The following SEMA6D variants were observed in gnomAD, a reference collection of about 807,000 sequenced individuals.
The protein encoded by SEMA6D is semaphorin-6D.
Under a neutral mutation model 106.6 loss-of-function variants are expected in SEMA6D, and 35 were observed. The ratio of observed to expected loss-of-function variants is 0.33; its 90% CI spans 0.25 to 0.44. The LOEUF is 0.44. Ranked by LOEUF, SEMA6D falls within the 20% of genes least tolerant of loss-of-function variation. The pLI, the probability that SEMA6D is intolerant of heterozygous loss-of-function variation, is 1.00. For missense variants in SEMA6D, 1,185 were observed against 1,345.9 expected (o/e 0.88, Z 1.87); for synonymous variants, 499 against 487.7 (o/e 1.02, Z -0.31).
At chr15:47,635,961 A>AG (rs957800608) in intron 4 of SEMA6D, among the ~76,000 whole-genome samples, 2 of 151,368 alleles carry the variant, frequency 1.3e-5, no homozygotes, top group African/African-American at 4.8e-5. Flanking sequence ...AAATGCTAAA[A>AG]AAAAAAAAAA....
intron 2 of SEMA6D, among the ~76,000 whole-genome samples, chr15:47,424,524 A>G (rs1237443312): frequency 6.6e-6 from 1 of 152,160 alleles, no homozygotes; most frequent in Admixed American, 6.6e-5. Flanking sequence ...TAAGTTCAGA[A>G]TAAATATCTG....
chr15:47,643,263 C>T (rs892134329), intron 4 of SEMA6D, among the ~76,000 whole-genome samples: 1 of 152,186 alleles, frequency 6.6e-6, no homozygotes, highest in African/African-American at 2.4e-5. Context: ...TTGCCTTTCC[C>T]CACTACGTAA....
chr15:47,588,480 G>A (rs2076381702), intron 3 of SEMA6D, among the ~76,000 whole-genome samples: 1 of 152,110 alleles, frequency 6.6e-6, no homozygotes, highest in Non-Finnish European at 1.5e-5. Context: ...TGTAAGCCAT[G>A]CTCCTCAGAC....
rs1020441526 is a variant in SEMA6D, at chr15:47,589,430, G to A, written c.-86-11435G>A. On this transcript the variant is annotated intron_variant, in intron 3 of 19. Transcript: ENST00000558014. ...GCTCCAGCCCCTGCTGACTCTGAGT[G>A]TGAGTTCTCCCCTGGATCCTGCTGA... 2.0e-5 allele frequency among the ~76,000 whole-genome samples: 3 copies of A among 152,194 alleles called. No individual in the cohort carries two copies. The East Asian group carries it at 5.8e-4, about 29-fold the overall frequency.
chr15:47,493,628 GT>G (rs1417431558), intron 3 of SEMA6D, among the ~76,000 whole-genome samples: 1 of 152,058 alleles, frequency 6.6e-6, no homozygotes, highest in Admixed American at 6.6e-5. Context: ...ACAGTTTTGA[GT>G]GTTTTCTATT....
chr15:47,761,490 G>T, intron 6 of SEMA6D, 59 bp downstream of exon 6: 1 of 1,401,472 alleles, frequency 7.1e-7, no homozygotes, highest in Non-Finnish European at 9.9e-7. Flanking sequence ...TCACTGATAT[G>T]CTGTTAGAGT....
At chr15:47,759,261 A>T (rs1008553475) in intron 1 of SEMA6D, among the ~76,000 whole-genome samples, 1 of 152,142 alleles carries the variant, frequency 6.6e-6, no homozygotes, top group African/African-American at 2.4e-5. Flanking sequence ...GCAACACCAT[A>T]AGCAAAGAGC....
At chr15:47,721,834 G>A (rs2079439858) in intron 1 of SEMA6D, among the ~76,000 whole-genome samples, 1 of 151,964 alleles carries the variant, frequency 6.6e-6, no homozygotes, top group African/African-American at 2.4e-5. Flanking sequence ...ACCCTGAAGT[G>A]AACTTCTGCC....
chr15:47,354,981 C>G (rs947569320), intron 1 of SEMA6D, among the ~76,000 whole-genome samples: 1 of 152,164 alleles, frequency 6.6e-6, no homozygotes, highest in Non-Finnish European at 1.5e-5. Context: ...CAACTTAGGA[C>G]AAGATCTAAG....
intron 1 of SEMA6D, among the ~76,000 whole-genome samples, chr15:47,185,156 A>G (rs1006781655): frequency 2.0e-5 from 3 of 152,062 alleles, no homozygotes; most frequent in African/African-American, 7.2e-5. Flanking sequence ...CGACACAGAC[A>G]CCGCTCACCG....
At chr15:47,586,745 A>G (rs1596371279) in intron 3 of SEMA6D, among the ~76,000 whole-genome samples, 1 of 152,186 alleles carries the variant, frequency 6.6e-6, no homozygotes, top group African/African-American at 2.4e-5. Flanking sequence ...TCGAAGAAAA[A>G]TCCTGTAGAA....
chr15:47,420,060 A>AG (rs2041103636), intron 2 of SEMA6D, among the ~76,000 whole-genome samples: 2 of 152,020 alleles, frequency 1.3e-5, no homozygotes, highest in Admixed American at 1.3e-4. Context: ...GTGGTGATTG[A>AG]CTGTTGCTGA....
chr15:47,376,125 G>GATATAGAGGTTGAAGAAAAC (rs2039439935), intron 1 of SEMA6D, among the ~76,000 whole-genome samples: 1 of 152,192 alleles, frequency 6.6e-6, no homozygotes, highest in Non-Finnish European at 1.5e-5. Context: ...GAAGAAAACA[G>GATATAGAGGTTGAAGAAAAC]CTCTATAACA....
At chr15:47,416,901 T>C (rs1225454235) in intron 2 of SEMA6D, among the ~76,000 whole-genome samples, 1 of 152,140 alleles carries the variant, frequency 6.6e-6, no homozygotes, top group East Asian at 1.9e-4. Flanking sequence ...AGAACCGCCA[T>C]AACTGCAATG....
Position 47,315,373 on chromosome 15 carries a change from C to G in SEMA6D, c.-238-97020C>G, listed in dbSNP as rs187340389. 6.0e-3 allele frequency among the ~76,000 whole-genome samples: 911 copies of G among 152,254 alleles called. 4 individuals carry two copies. Among genetic ancestry groups the G allele is most frequent in the Admixed American group, 9.2e-3 (140 of 15,288 alleles). ...GACTATCTTTGCTCCACTGTATTGC[C>G]TTTGCTCTTTTGTCAAAGACCAGCT... On this transcript the variant is annotated intron_variant, in intron 1 of 19. Transcript: ENST00000558014.
At chr15:47,700,303 A>G (rs966043054) in intron 4 of SEMA6D, among the ~76,000 whole-genome samples, 2 of 152,172 alleles carry the variant, frequency 1.3e-5, no homozygotes, top group Admixed American at 1.3e-4. Flanking sequence ...AGGTGGGAGG[A>G]TCACTTGAGG....
At chr15:47,386,067 A>G (rs2039828802) in intron 1 of SEMA6D, among the ~76,000 whole-genome samples, 1 of 152,240 alleles carries the variant, frequency 6.6e-6, no homozygotes, top group African/African-American at 2.4e-5. Context: ...TATGTGTAAC[A>G]TATGTAAAAC....
chr15:47,212,141 G>A (rs957529176), intron 1 of SEMA6D, among the ~76,000 whole-genome samples: 13 of 152,304 alleles, frequency 8.5e-5, no homozygotes, highest in African/African-American at 3.1e-4. Context: ...GCAAATTTCA[G>A]TGATAGCCTT....
At chr15:47,489,827 T>C (rs1567116180) in intron 3 of SEMA6D, among the ~76,000 whole-genome samples, 1 of 152,058 alleles carries the variant, frequency 6.6e-6, no homozygotes, top group Non-Finnish European at 1.5e-5. Flanking sequence ...GATTTTTGTA[T>C]TTTTAGTAGA....
Sources: allele counts gnomAD v4.1 joint callset (sites outside exome capture counted in the v4.1 genomes callset), GRCh38; gene constraint gnomAD v4.1.1; transcripts MANE v1.5; gene names NCBI Gene and HGNC (gene_info 2026-07-23, HGNC 2026-07-21).